PCDHA1: variants seen among roughly 807,000 people sequenced by gnomAD.
The protein encoded by PCDHA1 is protocadherin alpha 1.
Under a neutral mutation model 61.3 loss-of-function variants are expected in PCDHA1, and 42 were observed. The ratio of observed to expected loss-of-function variants is 0.69; its 90% CI spans 0.54 to 0.89. PCDHA1 has a LOEUF of 0.89. PCDHA1 is among the 40% of genes least tolerant of loss of function. PCDHA1 has a pLI of 0.00. For synonymous variants in PCDHA1, 610 were observed against 553.8 expected (o/e 1.10, Z -1.43); for missense variants, 1,256 against 1,235.3 (o/e 1.02, Z -0.25).
chr5:140,869,178 G>T (rs200717410), intron 1 of PCDHA1: 1 of 1,613,988 alleles, frequency 6.2e-7, no homozygotes, highest in East Asian at 2.2e-5. Flanking sequence ...AATTCTGGGA[G>T]GTGGGGAGCG....
chr5:140,796,234 G>A (rs1762051853), intron 1 of PCDHA1: 1 of 1,614,088 alleles, frequency 6.2e-7, no homozygotes, highest in Non-Finnish European at 8.5e-7. Flanking sequence ...CTATGAGCTG[G>A]TGGTGACCGC....
intron 1 of PCDHA1, chr5:140,831,253 C>T (rs1343986683): frequency 6.6e-6 from 1 of 152,124 alleles, no homozygotes; most frequent in African/African-American, 2.4e-5. Flanking sequence ...TCTCTTATTT[C>T]TGTTTGAATT....
chr5:140,886,730 G>A (rs2061105749), intron 1 of PCDHA1, among the ~76,000 whole-genome samples: 1 of 150,962 alleles, frequency 6.6e-6, no homozygotes, highest in Non-Finnish European at 1.5e-5. Flanking sequence ...GGAGGCTGAA[G>A]CAAGAGAATT....
intron 1 of PCDHA1, among the ~76,000 whole-genome samples, chr5:140,958,384 C>G (rs1352428582): frequency 6.6e-6 from 1 of 152,098 alleles, no homozygotes; most frequent in Non-Finnish European, 1.5e-5. Context: ...ATTTTCTTAA[C>G]AGGTCATCAA....
At chr5:140,849,952 A>G (rs1413987636) in intron 1 of PCDHA1, 1 of 1,597,826 alleles carries the variant, frequency 6.3e-7, no homozygotes, top group Non-Finnish European at 8.6e-7. Context: ...GACGCGCAGG[A>G]GAACGCCCTG....
chr5:140,841,647 T>A (rs1580971695), intron 1 of PCDHA1: 1 of 1,614,144 alleles, frequency 6.2e-7, no homozygotes, highest in East Asian at 2.2e-5. Context: ...CTGGAGGTGA[T>A]CGTGGACAGG....
At chr5:140,966,654 T>C in intron 1 of PCDHA1, 1 of 1,185,100 alleles carries the variant, frequency 8.4e-7, no homozygotes, top group Non-Finnish European at 1.1e-6. Flanking sequence ...GCGTGAGCGG[T>C]GGGGGAGCAG....
chr5:140,976,897 T>C (rs2096736712), intron 1 of PCDHA1, among the ~76,000 whole-genome samples: 1 of 152,220 alleles, frequency 6.6e-6, no homozygotes, highest in Admixed American at 6.5e-5. Flanking sequence ...CATGCAACAG[T>C]ATGTAATAAA....
intron 1 of PCDHA1, chr5:140,830,300 C>T: frequency 6.2e-7 from 1 of 1,613,888 alleles, no homozygotes; most frequent in Non-Finnish European, 8.5e-7. Flanking sequence ...GGCGGACAAG[C>T]CCACGCTGGT....
At chr5:140,852,249 T>C (rs2042280411) in intron 1 of PCDHA1, 1 of 535,278 alleles carries the variant, frequency 1.9e-6, no homozygotes, top group Non-Finnish European at 2.5e-6. Flanking sequence ...AAACACACTT[T>C]TGGAATATGC....
intron 1 of PCDHA1, chr5:140,796,528 C>T: frequency 6.2e-7 from 1 of 1,612,638 alleles, no homozygotes; most frequent in East Asian, 2.2e-5. Context: ...CGCGCTGCAG[C>T]CGCTGGACCA....
chr5:140,800,456 T>C (rs903680879), intron 1 of PCDHA1, among the ~76,000 whole-genome samples: 1 of 152,176 alleles, frequency 6.6e-6, no homozygotes, highest in African/African-American at 2.4e-5. Context: ...AAAGTAGATA[T>C]ATGTATGTTT....
chr5:140,803,691 G>A, intron 1 of PCDHA1: 3 of 1,552,026 alleles, frequency 1.9e-6, no homozygotes, highest in African/African-American at 1.4e-5. Flanking sequence ...TATGAATTAT[G>A]TGATTCATAA....
chr5:140,967,854 C>T (rs782783470), intron 1 of PCDHA1: 1 of 1,614,154 alleles, frequency 6.2e-7, no homozygotes, highest in South Asian at 1.1e-5. Flanking sequence ...GACAATGCCC[C>T]AGAGGTGGTG....
chr5:141,006,290 C>G (rs1465211339), intron 3 of PCDHA1, among the ~76,000 whole-genome samples: 5 of 152,050 alleles, frequency 3.3e-5, no homozygotes, highest in Non-Finnish European at 5.9e-5. Flanking sequence ...CAGCTCACTG[C>G]AAGCTCCACT....
At chr5:140,836,080 T>C (rs1470495662) in intron 1 of PCDHA1, 12 of 1,613,584 alleles carry the variant, frequency 7.4e-6, no homozygotes, top group African/African-American at 1.3e-5. Context: ...CCGGCACTGC[T>C]GGCGCCTCGG....
intron 1 of PCDHA1, chr5:140,817,705 T>G (rs2150098815): frequency 3.3e-5 from 5 of 152,226 alleles, no homozygotes; most frequent in African/African-American, 4.8e-5. Context: ...TTATTATCAT[T>G]GTTTTGTTAA....
At chr5:140,884,143 G>T in intron 1 of PCDHA1, 1 of 1,613,438 alleles carries the variant, frequency 6.2e-7, no homozygotes. Flanking sequence ...TCCGCGTGGG[G>T]CTGTACACTG....
At chr5:140,856,761 C>T (rs377564040) in intron 1 of PCDHA1, 2 of 1,596,598 alleles carry the variant, frequency 1.3e-6, no homozygotes, top group Non-Finnish European at 1.7e-6. Context: ...AATGATAACG[C>T]CCCTATCTTT....
Sources: allele counts gnomAD v4.1 joint callset (sites outside exome capture counted in the v4.1 genomes callset), GRCh38; gene constraint gnomAD v4.1.1; transcripts MANE v1.5; gene names NCBI Gene and HGNC (gene_info 2026-07-23, HGNC 2026-07-21).